OR3A2: variants seen among roughly 807,000 people sequenced by gnomAD.
OR3A2 encodes olfactory receptor 3A2.
For missense variants in OR3A2, 318 were observed against 392.8 expected (o/e 0.81, Z 1.61); for synonymous variants, 126 against 159.3 (o/e 0.79, Z 1.57).
At chr17:3,330,420 G>C (rs1260786504) in intron 3 of OR3A2, among the ~76,000 whole-genome samples, 5 of 151,534 alleles carry the variant, frequency 3.3e-5, no homozygotes, top group Admixed American at 6.6e-5. Flanking sequence ...TATATATTTA[G>C]GATAGTTAGC....
chr17:3,283,700 T>C (rs548051152), intron 1 of OR3A2, among the ~76,000 whole-genome samples: 1 of 152,254 alleles, frequency 6.6e-6, no homozygotes, highest in Non-Finnish European at 1.5e-5. Flanking sequence ...GACTCCTCTG[T>C]GTTAACAGGA....
chr17:3,347,152 A>G (rs780332227), intron 2 of OR3A2, among the ~76,000 whole-genome samples: 1 of 152,046 alleles, frequency 6.6e-6, no homozygotes, highest in Non-Finnish European at 1.5e-5. Context: ...TTACATTTCT[A>G]CCAATGGTGT....
chr17:3,375,365 C>G lies in OR3A2; in HGVS notation c.-179+8439G>C, dbSNP rs144013572. On this transcript the variant is annotated intron_variant, in intron 2 of 4. Transcript: ENST00000573491. ...TCACCCAGGCCTAAGTGCAGTGCCA[C>G]GATCTCAATTCACTGCAACCTTTGC... is the stretch of plus-strand genomic sequence containing the variant. Among the ~76,000 whole-genome samples, 246 of 147,500 alleles carry G rather than the reference C, an allele frequency of 1.7e-3. 1 individual carries two copies. The highest frequency in any genetic ancestry group is 5.6e-3 in the African/African-American group (224 of 40,054).
At chr17:3,382,514 A>C (rs759087236) in intron 2 of OR3A2, among the ~76,000 whole-genome samples, 1 of 152,196 alleles carries the variant, frequency 6.6e-6, no homozygotes, top group Non-Finnish European at 1.5e-5. Context: ...GAGAGTACTG[A>C]GTTCTGGCAT....
intron 2 of OR3A2, among the ~76,000 whole-genome samples, chr17:3,377,009 C>G (rs2049690861): frequency 6.6e-6 from 1 of 152,298 alleles, no homozygotes; most frequent in African/African-American, 2.4e-5. Context: ...TTCAGGTTCC[C>G]TAGTGGGGAT....
intron 2 of OR3A2, among the ~76,000 whole-genome samples, chr17:3,383,351 G>A (rs1407264059): frequency 6.6e-6 from 1 of 152,144 alleles, no homozygotes; most frequent in African/African-American, 2.4e-5. Flanking sequence ...AGAAGCTGAG[G>A]AAAAAGGAAC....
chr17:3,277,743 G>T lies in OR3A2; in HGVS notation c.*227C>A, dbSNP rs562415732. ...GAGTGCAGAGACTTTTGTCCATTTT[G>T]TCCACCAATGCCTTGGAAGACTGTC... On this transcript the variant is annotated 3_prime_UTR_variant, in exon 2 of 2. Coordinates refer to ENST00000642052, the Ensembl canonical transcript of OR3A2. 1.2e-3 allele frequency: 594 copies of T among 496,418 alleles called. 1 individual carries two copies. In the Middle Eastern group the frequency reaches 0.015, roughly 12 times the overall value. The allele number at this position is 496,418 out of a possible 1,614,324, so 30.8% of individuals were successfully genotyped here.
chr17:3,303,867 G>C (rs9896412), intron 3 of OR3A2, among the ~76,000 whole-genome samples: 1,947 of 149,926 alleles, frequency 0.013, 30 homozygotes, highest in African/African-American at 0.044. Flanking sequence ...ACTCCAGCCT[G>C]GGCGATAGAG....
chr17:3,356,439 CT>C (rs2049466299), intron 2 of OR3A2, among the ~76,000 whole-genome samples: 1 of 151,430 alleles, frequency 6.6e-6, no homozygotes, highest in Non-Finnish European at 1.5e-5. Context: ...AATTTCTCAT[CT>C]TTTGCTTGTC....
At chr17:3,364,467 C>T (rs933089011) in intron 2 of OR3A2, among the ~76,000 whole-genome samples, 1 of 152,090 alleles carries the variant, frequency 6.6e-6, no homozygotes, top group Non-Finnish European at 1.5e-5. Context: ...AAATCTTGTA[C>T]CTTTTGACCA....
chr17:3,352,086 AT>A (rs748513477), intron 2 of OR3A2, among the ~76,000 whole-genome samples: 1 of 151,972 alleles, frequency 6.6e-6, no homozygotes, highest in South Asian at 2.1e-4. Flanking sequence ...TCTTTTGCCC[AT>A]TTTTTAATCA....
chr17:3,322,831 A>T (rs2049136296), intron 3 of OR3A2, among the ~76,000 whole-genome samples: 1 of 152,132 alleles, frequency 6.6e-6, no homozygotes, highest in South Asian at 2.1e-4. Context: ...TGTGTTTCTG[A>T]AAAGACTGTA....
chr17:3,367,370 C>T (rs546363635), intron 2 of OR3A2, among the ~76,000 whole-genome samples: 1 of 151,998 alleles, frequency 6.6e-6, no homozygotes, highest in African/African-American at 2.4e-5. Flanking sequence ...CCCTCCCACC[C>T]TTCCCTCCCA....
At chr17:3,345,972 C>A (rs1226595589) in intron 2 of OR3A2, among the ~76,000 whole-genome samples, 1 of 152,134 alleles carries the variant, frequency 6.6e-6, no homozygotes, top group East Asian at 1.9e-4. Flanking sequence ...TGTCAGTTTT[C>A]ACATGCAAAG....
rs1475393201 is a variant in OR3A2 at position 3,356,606 on chromosome 17, G to A, written c.-178-20480C>T. Among the ~76,000 whole-genome samples, 3 of 151,308 alleles carry A rather than the reference G, an allele frequency of 2.0e-5. No homozygotes were observed. In the East Asian group the frequency reaches 5.8e-4, roughly 29 times the overall value. On this transcript the variant is annotated intron_variant, in intron 2 of 4. Transcript: ENST00000573491. ...ATAATAATAATGAGATAACTTTGAGGATTAGACACTATTTTCCACCATAAA... is the reference window on the plus strand; with the variant it reads ...ATAATAATAATGAGATAACTTTGAGAATTAGACACTATTTTCCACCATAAA...
At chr17:3,337,081 C>T (rs554745902) in intron 2 of OR3A2, among the ~76,000 whole-genome samples, 2 of 152,266 alleles carry the variant, frequency 1.3e-5, no homozygotes, top group African/African-American at 2.4e-5. Flanking sequence ...ACATTCAGGT[C>T]CCAGGAAGCA....
At chr17:3,276,122 A>G (rs567051609), downstream of OR3A2, among the ~76,000 whole-genome samples, 1 of 148,050 alleles carries the variant, frequency 6.8e-6, no homozygotes, top group Non-Finnish European at 1.5e-5. Flanking sequence ...AAAAGAAAAA[A>G]AAAAGAATAT....
chr17:3,316,111 TATTGCACA>T (rs2049081060), intron 3 of OR3A2, among the ~76,000 whole-genome samples: 1 of 152,150 alleles, frequency 6.6e-6, no homozygotes, highest in Non-Finnish European at 1.5e-5. Flanking sequence ...CCCACTTCCC[TATTGCACA>T]GTTTTGAATC....
intron 2 of OR3A2, among the ~76,000 whole-genome samples, chr17:3,357,512 A>G (rs2049473399): frequency 1.3e-5 from 2 of 151,592 alleles, no homozygotes; most frequent in South Asian, 4.1e-4. Context: ...AGAATAGTCA[A>G]ACTCAAAGAG....
Sources: gnomAD v4.1 joint callset for allele counts (sites outside exome capture counted in the v4.1 genomes callset) on GRCh38, gnomAD v4.1.1 for gene constraint, MANE v1.5 for transcripts, NCBI Gene and HGNC (gene_info 2026-07-23, HGNC 2026-07-21) for gene names.